The following WWOX variants were observed in gnomAD, a reference collection of about 807,000 sequenced individuals.
The protein encoded by WWOX is WW domain containing oxidoreductase.
In WWOX, 69 loss-of-function variants were observed where a neutral mutation model predicts 46.2. The observed-to-expected ratio is 1.49, with a 90% CI of 1.23 to 1.82. The LOEUF (loss-of-function observed/expected upper bound fraction) is 1.82, where lower values mean the gene tolerates loss of function less well. WWOX is among the 40% of genes most tolerant of loss of function. WWOX has a pLI of 0.00. For missense variants in WWOX, 919 were observed against 542.6 expected (o/e 1.69, Z -6.89); for synonymous variants, 359 against 202.6 (o/e 1.77, Z -6.56).
At chr16:78,822,241 C>T (rs920965238) in intron 8 of WWOX, among the ~76,000 whole-genome samples, 1 of 152,066 alleles carries the variant, frequency 6.6e-6, no homozygotes, top group Non-Finnish European at 1.5e-5. Flanking sequence ...CCCCTGTAAT[C>T]ACAGCACTTT....
intron 5 of WWOX, chr16:78,168,003 C>T (rs911259063): frequency 6.6e-6 from 1 of 152,098 alleles, no homozygotes; most frequent in Non-Finnish European, 1.5e-5. Context: ...CATATGTTAC[C>T]TACGATGAAT....
chr16:78,680,996 C>G (rs1204301573), intron 8 of WWOX, among the ~76,000 whole-genome samples: 1 of 152,202 alleles, frequency 6.6e-6, no homozygotes, highest in Admixed American at 6.5e-5. Context: ...CGCCTGTAAT[C>G]CCAGCACTTT....
chr16:78,902,412 G>C (rs772175359), intron 8 of WWOX, among the ~76,000 whole-genome samples: 1 of 152,242 alleles, frequency 6.6e-6, no homozygotes, highest in Non-Finnish European at 1.5e-5. Flanking sequence ...TTTTTCTCTT[G>C]TATCCAGCAG....
chr16:79,152,230 G>A (rs896082208), intron 8 of WWOX, among the ~76,000 whole-genome samples: 1 of 152,190 alleles, frequency 6.6e-6, no homozygotes, highest in Non-Finnish European at 1.5e-5. Context: ...GACCCATGCT[G>A]GCAGAACGGG....
intron 5 of WWOX, among the ~76,000 whole-genome samples, chr16:78,383,417 T>C (rs9930967): frequency 0.78 from 118,085 of 152,048 alleles, 46,792 homozygotes; most frequent in African/African-American, 0.84. Flanking sequence ...CAGAAGATCA[T>C]GAGCTAAACC....
chr16:78,646,308 T>G (rs1170020811), intron 8 of WWOX, among the ~76,000 whole-genome samples: 1 of 152,188 alleles, frequency 6.6e-6, no homozygotes, highest in African/African-American at 2.4e-5. Flanking sequence ...GCCAGTACAC[T>G]TGGCCTTTTG....
At chr16:79,108,763 T>G (rs2049359083) in intron 8 of WWOX, among the ~76,000 whole-genome samples, 1 of 151,930 alleles carries the variant, frequency 6.6e-6, no homozygotes, top group African/African-American at 2.4e-5. Flanking sequence ...TAGTTAGGTG[T>G]AGTGGCGTGT....
At chr16:78,423,772 G>T (rs9931461) in intron 6 of WWOX, among the ~76,000 whole-genome samples, 7,986 of 151,578 alleles carry the variant, frequency 0.053, 273 homozygotes, top group African/African-American at 0.088. Flanking sequence ...TCTGAGCCTG[G>T]GAGTTTGAGA....
intron 8 of WWOX, among the ~76,000 whole-genome samples, chr16:78,952,138 G>T (rs768637249): frequency 1.3e-5 from 2 of 151,912 alleles, no homozygotes; most frequent in African/African-American, 2.4e-5. Flanking sequence ...TGTTATCATT[G>T]TAACCCTCTA....
chr16:78,464,339 AAG>A (rs780431305), intron 8 of WWOX, among the ~76,000 whole-genome samples: 2 of 145,918 alleles, frequency 1.4e-5, no homozygotes, highest in Non-Finnish European at 2.9e-5. Context: ...GGAAGGAAAG[AAG>A]AGAGAGAAGG....
intron 8 of WWOX, among the ~76,000 whole-genome samples, chr16:78,516,565 T>G (rs146911482): frequency 6.6e-6 from 1 of 152,196 alleles, no homozygotes; most frequent in African/African-American, 2.4e-5. Flanking sequence ...CTTTAAAATA[T>G]CATGCATACT....
At chr16:78,586,876 G>C (rs1279615344) in intron 8 of WWOX, among the ~76,000 whole-genome samples, 1 of 152,066 alleles carries the variant, frequency 6.6e-6, no homozygotes, top group East Asian at 1.9e-4. Flanking sequence ...TTATGACTGT[G>C]TACCATGTTG....
intron 5 of WWOX, among the ~76,000 whole-genome samples, chr16:78,310,372 G>A (rs1182723740): frequency 6.6e-6 from 1 of 152,210 alleles, no homozygotes; most frequent in Non-Finnish European, 1.5e-5. Context: ...CACTATGTTT[G>A]TTGACTGAAT....
chr16:78,739,212 G>C (rs1024205734), intron 8 of WWOX, among the ~76,000 whole-genome samples: 3 of 152,136 alleles, frequency 2.0e-5, no homozygotes, highest in Non-Finnish European at 2.9e-5. Context: ...CTAAAATTGT[G>C]TTTGCCGAAT....
At chr16:78,658,245 T>G (rs1020956645) in intron 8 of WWOX, among the ~76,000 whole-genome samples, 2 of 152,168 alleles carry the variant, frequency 1.3e-5, no homozygotes, top group Non-Finnish European at 2.9e-5. Flanking sequence ...TTTGGTTCTT[T>G]CCATGAGAAA....
At chr16:79,031,133 C>G (rs944615028) in intron 8 of WWOX, among the ~76,000 whole-genome samples, 3 of 151,266 alleles carry the variant, frequency 2.0e-5, no homozygotes, top group African/African-American at 7.3e-5. Flanking sequence ...TATATAAACA[C>G]TAGGGTTGCT....
At chr16:78,740,435 C>T (rs902174158) in intron 8 of WWOX, among the ~76,000 whole-genome samples, 1 of 152,110 alleles carries the variant, frequency 6.6e-6, no homozygotes, top group Non-Finnish European at 1.5e-5. Flanking sequence ...GACCTTTGGA[C>T]CCCGGCTGGC....
chr16:78,661,503 T>C (rs951964522), intron 8 of WWOX, among the ~76,000 whole-genome samples: 2 of 152,190 alleles, frequency 1.3e-5, no homozygotes, highest in Non-Finnish European at 2.9e-5. Context: ...GATTTGATCA[T>C]TCCTTATTAA....
chr16:78,609,796 A>G (rs1352860163), intron 8 of WWOX, among the ~76,000 whole-genome samples: 3 of 152,170 alleles, frequency 2.0e-5, no homozygotes, highest in Non-Finnish European at 4.4e-5. Context: ...AAATGAAAAT[A>G]TTTTTTCCAA....
Sources: allele counts gnomAD v4.1 joint callset (sites outside exome capture counted in the v4.1 genomes callset), GRCh38; gene constraint gnomAD v4.1.1; transcripts MANE v1.5; gene names NCBI Gene and HGNC (gene_info 2026-07-23, HGNC 2026-07-21).